Variants in SORCS1 observed in about 807,000 individuals in gnomAD.
SORCS1 encodes VPS10 domain-containing receptor SorCS1.
Under a neutral mutation model 146.1 loss-of-function variants are expected in SORCS1, and 60 were observed. The ratio of observed to expected loss-of-function variants is 0.41; its 90% confidence interval spans 0.33 to 0.51. The LOEUF (loss-of-function observed/expected upper bound fraction) is 0.51. SORCS1 is among the 20% of genes least tolerant of loss of function. The probability of loss-of-function intolerance (pLI) is 0.21; values close to 1 mark genes in which losing one functional copy is unlikely to be tolerated. For synonymous variants in SORCS1, 637 were observed against 584.0 expected, an observed-to-expected ratio of 1.09 and a Z score of -1.31; for missense variants, 1,352 against 1,487.6, an observed-to-expected ratio of 0.91 and a Z score of 1.50.
chr10:107,034,703 A>AC (rs1958817866), intron 1 of SORCS1, among the ~76,000 whole-genome samples: 1 of 147,622 alleles, frequency 6.8e-6, no homozygotes, highest in African/African-American at 2.5e-5. Context: ...AAAAAAAAAA[A>AC]AAAACAATGT....
chr10:106,594,103 T>C (rs1289102985), intron 24 of SORCS1, among the ~76,000 whole-genome samples: 4 of 152,252 alleles, frequency 2.6e-5, no homozygotes, highest in African/African-American at 9.6e-5. Context: ...TTTGGATGCC[T>C]TTGCTGTATT....
In SORCS1 at chr10:106,652,359, G is replaced by T. The variant is rs202061277; in HGVS notation, c.2475+23C>A. On this transcript the variant is annotated intron_variant, in intron 18 of 25. Coordinates refer to ENST00000263054, the MANE Select transcript of SORCS1 (RefSeq NM_052918.5). Reference sequence around the variant, plus strand: ...AAAATCACTGGCCCTAGAAAGTAGGGGGGAGATAGGAATCAGTCCTACCTC... The same window carrying T: ...AAAATCACTGGCCCTAGAAAGTAGGTGGGAGATAGGAATCAGTCCTACCTC... 435 of 1,576,558 alleles carry T rather than the reference G, an allele frequency of 2.8e-4. 1 individual carries two copies. In the African/African-American group the frequency reaches 5.4e-3, roughly 20 times the overall value.
chr10:106,933,111 T>C (rs1284528247), intron 2 of SORCS1, among the ~76,000 whole-genome samples: 1 of 152,228 alleles, frequency 6.6e-6, no homozygotes, highest in Non-Finnish European at 1.5e-5. Context: ...CAGAATATTT[T>C]AGCCATGACA....
chr10:106,990,623 G>A (rs1167111104), intron 1 of SORCS1, among the ~76,000 whole-genome samples: 1 of 152,178 alleles, frequency 6.6e-6, no homozygotes, highest in East Asian at 1.9e-4. Context: ...ACGTGTGATA[G>A]TACAAATCAC....
intron 6 of SORCS1, among the ~76,000 whole-genome samples, chr10:106,719,223 T>G (rs140398132): frequency 7.0e-4 from 106 of 152,242 alleles, no homozygotes; most frequent in African/African-American, 2.4e-3. Context: ...TGAAACCATT[T>G]AGCTCATGAA....
chr10:106,966,447 T>C (rs889319123), intron 1 of SORCS1, among the ~76,000 whole-genome samples: 2 of 152,220 alleles, frequency 1.3e-5, no homozygotes, highest in Admixed American at 6.5e-5. Context: ...ATTTAATCCC[T>C]AAATGCCCTT....
rs777152916 is a variant in SORCS1, at chr10:106,652,356, A to AG, written c.2475+25dup. 32 of 1,573,862 alleles carry AG rather than the reference A, an allele frequency of 2.0e-5. No homozygotes were observed. In the African/African-American group the frequency reaches 4.0e-4, roughly 20 times the overall value. On this transcript the variant is annotated intron_variant, in intron 18 of 25. Coordinates refer to ENST00000263054, the MANE Select transcript of SORCS1 (RefSeq NM_052918.5). ...AGAAAAATCACTGGCCCTAGAAAGTAGGGGGGAGATAGGAATCAGTCCTAC... is the reference window on the plus strand; with the variant it reads ...AGAAAAATCACTGGCCCTAGAAAGTAGGGGGGGAGATAGGAATCAGTCCTAC...
chr10:107,021,098 A>G (rs1958109220), intron 1 of SORCS1, among the ~76,000 whole-genome samples: 1 of 152,190 alleles, frequency 6.6e-6, no homozygotes, highest in Non-Finnish European at 1.5e-5. Flanking sequence ...AATACACTGC[A>G]TGAAGCAACA....
intron 2 of SORCS1, among the ~76,000 whole-genome samples, chr10:106,939,316 T>A (rs945469134): frequency 6.6e-5 from 10 of 152,200 alleles, no homozygotes; most frequent in Non-Finnish European, 5.9e-5. Context: ...AATTTCCCAA[T>A]TAATTTGGTT....
At chr10:106,859,636 G>A (rs989031194) in intron 2 of SORCS1, among the ~76,000 whole-genome samples, 1 of 152,066 alleles carries the variant, frequency 6.6e-6, no homozygotes, top group Non-Finnish European at 1.5e-5. Flanking sequence ...CAAGTGATCT[G>A]CCCACTTTGG....
chr10:106,743,763 C>G (rs1857519621), intron 5 of SORCS1, among the ~76,000 whole-genome samples: 2 of 152,188 alleles, frequency 1.3e-5, no homozygotes, highest in Middle Eastern at 6.8e-3. Flanking sequence ...AAAAATAACA[C>G]CGCTGTGAAA....
intron 17 of SORCS1, among the ~76,000 whole-genome samples, chr10:106,666,099 C>T (rs949329909): frequency 4.6e-5 from 7 of 152,298 alleles, no homozygotes; most frequent in Middle Eastern, 3.4e-3. Flanking sequence ...CTCACCCTCC[C>T]GAAATGCTGA....
At chr10:107,099,808 T>G (rs1964793481) in intron 1 of SORCS1, among the ~76,000 whole-genome samples, 2 of 152,254 alleles carry the variant, frequency 1.3e-5, no homozygotes, top group South Asian at 2.1e-4. Context: ...ACGTATTAAG[T>G]GCCTACTATG....
intron 3 of SORCS1, among the ~76,000 whole-genome samples, chr10:106,784,888 G>A (rs114474730): frequency 0.01 from 1,577 of 152,286 alleles, 25 homozygotes; most frequent in African/African-American, 0.035. Flanking sequence ...GGTAAAATCT[G>A]TAAGTTGTGT....
intron 1 of SORCS1, among the ~76,000 whole-genome samples, chr10:107,138,116 T>C (rs2134691829): frequency 6.6e-6 from 1 of 152,322 alleles, no homozygotes; most frequent in East Asian, 1.9e-4. Context: ...AATGGTATGG[T>C]GACTAGCACA....
At chr10:106,752,784 G>A (rs780903451) in intron 5 of SORCS1, among the ~76,000 whole-genome samples, 12 of 152,072 alleles carry the variant, frequency 7.9e-5, no homozygotes, top group Non-Finnish European at 1.3e-4. Context: ...AATGGGGGAG[G>A]AAGTGGGCAG....
chr10:106,945,322 A>T (rs1954279328), intron 2 of SORCS1, among the ~76,000 whole-genome samples: 1 of 152,178 alleles, frequency 6.6e-6, no homozygotes, highest in African/African-American at 2.4e-5. Flanking sequence ...AAGGTATGAA[A>T]TTGTGTTCTG....
intron 22 of SORCS1, among the ~76,000 whole-genome samples, chr10:106,608,082 A>G (rs896450152): frequency 2.6e-5 from 4 of 152,222 alleles, no homozygotes; most frequent in Non-Finnish European, 5.9e-5. Context: ...AGATGCTTCT[A>G]GAATCAATAG....
At chr10:106,989,684 T>TTG (rs1232741286) in intron 1 of SORCS1, among the ~76,000 whole-genome samples, 38 of 129,802 alleles carry the variant, frequency 2.9e-4, no homozygotes, top group African/African-American at 1.1e-3. Flanking sequence ...TTTTTTGTTT[T>TTG]TTTTTTTTTT....
Sources: allele counts gnomAD v4.1 joint callset (sites outside exome capture counted in the v4.1 genomes callset), GRCh38; gene constraint gnomAD v4.1.1; transcripts MANE v1.5; gene names NCBI Gene and HGNC (gene_info 2026-07-23, HGNC 2026-07-21).